ANO3: variants seen among roughly 807,000 people sequenced by gnomAD.
ANO3 encodes the protein anoctamin-3.
Under a neutral mutation model 144.8 loss-of-function variants are expected in ANO3, and 99 were observed. That is an observed-to-expected ratio of 0.68 (90% confidence interval 0.58 to 0.81). ANO3 has a LOEUF of 0.81. Among genes scored for constraint, ANO3 ranks in the 30% least tolerant of loss-of-function variants. The pLI, the probability that ANO3 is intolerant of heterozygous loss-of-function variation, is 0.00. For missense variants in ANO3, 905 were observed against 1,202.2 expected, an observed-to-expected ratio of 0.75 and a Z score of 3.66; for synonymous variants, 414 against 392.6, an observed-to-expected ratio of 1.05 and a Z score of -0.64.
intron 1 of ANO3, among the ~76,000 whole-genome samples, chr11:26,255,052 A>C (rs1442174899): frequency 6.6e-6 from 1 of 152,138 alleles, no homozygotes; most frequent in South Asian, 2.1e-4. Context: ...TGTAACCCAT[A>C]TGTTCAGCCT....
rs541295648 is a variant in ANO3 at position 26,441,984 on chromosome 11, C to T, written c.113C>T (p.Pro38Leu). Residue 38 changes from proline to leucine, a missense_variant, in exon 2 of 27, where the codon CCT (proline) becomes CTT (leucine). Physicochemically the swap from Pro to Leu is moderately conservative, Grantham distance 98 (BLOSUM62 -3). Transcript: ENST00000256737. ...TTAAAACCGTCTCGGAGATCCCTGCCTTGCCTCGCCCAGAGCTACGCTTAC... is the reference window on the plus strand; with the variant it reads ...TTAAAACCGTCTCGGAGATCCCTGCTTTGCCTCGCCCAGAGCTACGCTTAC... The part of the protein sequence containing the change: ...TSLKPSRRSL[P>L]CLAQSYAYSK... 2 of 1,614,144 alleles carry T rather than the reference C, an allele frequency of 1.2e-6. No individual in the cohort carries two copies. The highest frequency in any genetic ancestry group is 1.7e-6 in the Non-Finnish European group (2 of 1,180,000).
intron 22 of ANO3, among the ~76,000 whole-genome samples, chr11:26,642,463 T>C (rs1853195495): frequency 7.6e-6 from 1 of 130,820 alleles, no homozygotes; most frequent in South Asian, 2.9e-4. Flanking sequence ...GCGATTCTCC[T>C]ACCTCAGCCT....
chr11:26,652,775 C>G (rs1307541138), intron 24 of ANO3, among the ~76,000 whole-genome samples: 2 of 152,144 alleles, frequency 1.3e-5, no homozygotes, highest in African/African-American at 4.8e-5. Flanking sequence ...TCTCTTCTTC[C>G]CTTTTAAACT....
intron 1 of ANO3, among the ~76,000 whole-genome samples, chr11:26,278,771 T>G (rs1321750813): frequency 6.6e-6 from 1 of 152,092 alleles, no homozygotes; most frequent in Non-Finnish European, 1.5e-5. Context: ...TCTCTATTGG[T>G]GTTCTCTGCA....
rs1205624045 is a variant in ANO3, at chr11:26,662,211, C to G, written c.*1767C>G. 6 of 151,966 alleles carry G rather than the reference C, an allele frequency of 3.9e-5. No individual in the cohort carries two copies. The highest frequency in any genetic ancestry group is 1.5e-5 in the Non-Finnish European group (1 of 67,978). 9.4% of individuals were successfully genotyped at this position (151,966 alleles called of 1,614,324 possible). ...TTTGTCAAGCATATTCACTTTCCTC[C>G]TTGTCCTCTGATTCTGAGCAAAGGG... On this transcript the variant is annotated 3_prime_UTR_variant, in exon 27 of 27. Coordinates refer to ENST00000256737, the MANE Select transcript of ANO3 (RefSeq NM_031418.4).
At chr11:26,584,414 C>G (rs1462420274) in intron 14 of ANO3, among the ~76,000 whole-genome samples, 1 of 152,186 alleles carries the variant, frequency 6.6e-6, no homozygotes, top group Non-Finnish European at 1.5e-5. Context: ...CCACCTCACC[C>G]TCCCAAAGTG....
In ANO3 at chr11:26,385,816, CACACACAT is replaced by C. The variant is rs1383442678; in HGVS notation, c.46+53503_46+53510del. On this transcript the variant is annotated intron_variant, in intron 1 of 26. Coordinates refer to ENST00000256737, the MANE Select transcript of ANO3 (RefSeq NM_031418.4). ...CAATTTGAGTGTGATGTCCAAGTTT[CACACACAT>C]ACACACACACACACACACACACACA... 6.7e-4 allele frequency among the ~76,000 whole-genome samples: 75 copies of C among 111,948 alleles called. 1 individual carries two copies. The highest frequency in any genetic ancestry group is 2.2e-3 in the African/African-American group (55 of 24,950). 73.4% of individuals were successfully genotyped at this position (111,948 alleles called of 152,430 possible). A position where few individuals can be genotyped will look rare whatever the true frequency, so the allele number is the denominator to read the frequency against.
chr11:26,642,145 T>A, intron 22 of ANO3, 116 bp downstream of exon 22: 1 of 1,144,022 alleles, frequency 8.7e-7, no homozygotes, highest in Non-Finnish European at 1.2e-6. Context: ...CCAAGCATTC[T>A]AAAACACGTC....
chr11:26,488,356 T>C (rs1860551639), intron 4 of ANO3, among the ~76,000 whole-genome samples: 2 of 152,282 alleles, frequency 1.3e-5, no homozygotes, highest in Middle Eastern at 3.4e-3. Flanking sequence ...CATGGGGAAA[T>C]GTCTGCAGGC....
intron 1 of ANO3, among the ~76,000 whole-genome samples, chr11:26,325,461 A>T (rs2133882535): frequency 6.6e-6 from 1 of 152,302 alleles, no homozygotes; most frequent in Middle Eastern, 3.4e-3. Context: ...TTAACTATTC[A>T]GTGATATTAA....
At chr11:26,278,504 C>T (rs1853607392) in intron 1 of ANO3, among the ~76,000 whole-genome samples, 1 of 151,972 alleles carries the variant, frequency 6.6e-6, no homozygotes, top group Non-Finnish European at 1.5e-5. Flanking sequence ...TCACATGTAT[C>T]CCTCAGACTT....
At chr11:26,366,439 G>T (rs995961815) in intron 1 of ANO3, among the ~76,000 whole-genome samples, 1 of 152,082 alleles carries the variant, frequency 6.6e-6, no homozygotes, top group African/African-American at 2.4e-5. Flanking sequence ...GAGTAGTGCT[G>T]CAATAAACAT....
upstream of ANO3, among the ~76,000 whole-genome samples, chr11:26,329,794 T>A (rs1590264849): frequency 6.7e-6 from 1 of 150,308 alleles, no homozygotes; most frequent in South Asian, 2.1e-4. Context: ...CCTAGAAATG[T>A]GGAATAGAGG....
intron 1 of ANO3, among the ~76,000 whole-genome samples, chr11:26,233,174 G>A (rs974198765): frequency 2.2e-4 from 33 of 148,390 alleles, no homozygotes; most frequent in Admixed American, 1.0e-3. Flanking sequence ...CCGAGATTGC[G>A]CCACTGCACT....
chr11:26,501,750 G>T (rs1051588692), intron 4 of ANO3, among the ~76,000 whole-genome samples: 1 of 152,120 alleles, frequency 6.6e-6, no homozygotes. Flanking sequence ...AATGTAAGTC[G>T]AATGGAAAAC....
intron 3 of ANO3, among the ~76,000 whole-genome samples, chr11:26,460,358 T>C (rs1859343150): frequency 7.0e-6 from 1 of 142,974 alleles, no homozygotes; most frequent in South Asian, 2.2e-4. Flanking sequence ...GTACAGATAG[T>C]TTTTTCACCC....
intron 1 of ANO3, among the ~76,000 whole-genome samples, chr11:26,230,115 T>G (rs1200682151): frequency 6.6e-6 from 1 of 152,204 alleles, no homozygotes; most frequent in African/African-American, 2.4e-5. Flanking sequence ...AAAGAGCTGC[T>G]CTTTCTAGAC....
At chr11:26,605,253 C>G (rs1851903798) in intron 17 of ANO3, among the ~76,000 whole-genome samples, 1 of 152,218 alleles carries the variant, frequency 6.6e-6, no homozygotes, top group East Asian at 1.9e-4. Flanking sequence ...AGCCTTGTAT[C>G]CCAGGGGTGA....
At chr11:26,459,603 C>T (rs892178047) in intron 3 of ANO3, among the ~76,000 whole-genome samples, 1 of 151,910 alleles carries the variant, frequency 6.6e-6, no homozygotes, top group Non-Finnish European at 1.5e-5. Context: ...CACACACACA[C>T]ACATACATAT....
Sources: allele counts gnomAD v4.1 joint callset (sites outside exome capture counted in the v4.1 genomes callset), GRCh38; gene constraint gnomAD v4.1.1; transcripts MANE v1.5; gene names NCBI Gene and HGNC (gene_info 2026-07-23, HGNC 2026-07-21).